The following GPR161 variants were observed in gnomAD, a reference collection of about 807,000 sequenced individuals.
GPR161 encodes the protein G-protein coupled receptor RE2.
Under a neutral mutation model 39.2 loss-of-function variants are expected in GPR161, and 25 were observed. The ratio of observed to expected loss-of-function variants is 0.64; its 90% CI spans 0.47 to 0.89. The LOEUF is 0.89. Among genes scored for constraint, GPR161 ranks in the 40% least tolerant of loss-of-function variants. GPR161 has a pLI of 0.00. For missense variants in GPR161, 547 were observed against 677.8 expected (o/e 0.81, Z 2.14); for synonymous variants, 286 against 276.6 (o/e 1.03, Z -0.34).
intron 1 of GPR161, among the ~76,000 whole-genome samples, chr1:168,108,662 T>G (rs1475862782): frequency 6.6e-6 from 1 of 151,890 alleles, no homozygotes; most frequent in African/African-American, 2.4e-5. Flanking sequence ...AGTTTTGATT[T>G]CTGAACCATG....
chr1:168,132,587 CAAA>C (rs1160404142), intron 1 of GPR161, among the ~76,000 whole-genome samples: 3 of 78,576 alleles, frequency 3.8e-5, no homozygotes. Flanking sequence ...GACTCCGTCT[CAAA>C]AAAAAAAAAA....
At position 168,119,273 on chromosome 1, in the gene GPR161, T is replaced by TATATACATATATATATATGTATAC. The variant is rs1558130209; in HGVS notation, c.-44-14380_-44-14379insGTATACATATATATATATGTATAT. Among the ~76,000 whole-genome samples the TATATACATATATATATATGTATAC allele has an allele frequency of 1.3e-4, 15 of 115,226 alleles. 2 individuals are homozygous for TATATACATATATATATATGTATAC. The highest frequency in any genetic ancestry group is 5.5e-4 in the African/African-American group (15 of 27,170). 75.6% of individuals were successfully genotyped at this position (115,226 alleles called of 152,430 possible). ...ATATATATACGTATATATATGTGTA[T>TATATACATATATATATATGTATAC]ATATATATATATATACACATATATA... On this transcript the variant is annotated intron_variant, in intron 1 of 5. Transcript: ENST00000682931.
chr1:168,110,954 A>G (rs1342586485), intron 1 of GPR161, among the ~76,000 whole-genome samples: 1 of 152,120 alleles, frequency 6.6e-6, no homozygotes, highest in Non-Finnish European at 1.5e-5. Context: ...AGAACTAGAA[A>G]CCACAATGAA....
At chr1:168,116,512 C>T (rs1697644651) in intron 1 of GPR161, among the ~76,000 whole-genome samples, 1 of 152,126 alleles carries the variant, frequency 6.6e-6, no homozygotes, top group South Asian at 2.1e-4. Context: ...ATCTAATAAC[C>T]ACCCTGTAAC....
Position 168,085,811 on chromosome 1 carries a change from A to AG in GPR161, c.1325-16dup. The stretch of plus-strand genomic sequence containing the variant: ...CTTGGCAGCTTCTGAGGGAGAAGGC[A>AG]GAAAAAAAAGTCAGCTGAGGAGCCA... On this transcript the variant is annotated splice_polypyrimidine_tract_variant and intron_variant, in intron 5 of 5. Transcript: ENST00000682931. 3 of 1,602,508 alleles carry AG rather than the reference A, an allele frequency of 1.9e-6. No individual in the cohort carries two copies. Among genetic ancestry groups the AG allele is most frequent in the Non-Finnish European group, 2.6e-6 (3 of 1,171,602 alleles).
chr1:168,131,306 C>A (rs1698974193), intron 1 of GPR161, among the ~76,000 whole-genome samples: 1 of 151,958 alleles, frequency 6.6e-6, no homozygotes, highest in Non-Finnish European at 1.5e-5. Context: ...CTATTCCCTG[C>A]CACCTGCAGA....
intron 1 of GPR161, among the ~76,000 whole-genome samples, chr1:168,118,375 A>G (rs1284653410): frequency 1.3e-5 from 2 of 152,124 alleles, no homozygotes; most frequent in African/African-American, 2.4e-5. Context: ...CAAACACCAC[A>G]TAAGTGGGCA....
Position 168,090,685 on chromosome 1 carries a change from G to A in GPR161, c.1100-17C>T. ...GGCCCAGGTCTGAAAGACAAAATTG[G>A]CATTGACAACACAATCACACTCTGC... On this transcript the variant is annotated splice_polypyrimidine_tract_variant and intron_variant, in intron 3 of 5. Coordinates refer to ENST00000682931, the MANE Select transcript of GPR161 (RefSeq NM_001375883.1). The A allele has an allele frequency of 6.7e-7, 1 of 1,486,448 alleles. No individual in the cohort carries two copies. Among genetic ancestry groups the A allele is most frequent in the Non-Finnish European group, 9.3e-7 (1 of 1,070,046 alleles). 92.1% of individuals were successfully genotyped at this position (1,486,448 alleles called of 1,614,324 possible). A position where few individuals can be genotyped will look rare whatever the true frequency, so the allele number is the denominator to read the frequency against.
At chr1:168,108,398 C>T (rs11582396) in intron 1 of GPR161, among the ~76,000 whole-genome samples, 50,267 of 148,192 alleles carry the variant, frequency 0.34, 8,729 homozygotes, top group Admixed American at 0.47. Context: ...CCAGCAACTC[C>T]ATATCTAAGC....
At position 168,082,421 on chromosome 1, in the gene GPR161, C is replaced by T. The variant is rs1016753583; in HGVS notation, c.*3110G>A. The stretch of plus-strand genomic sequence containing the variant: ...AGGTTCATCCTTGGCTCTGCACAGC[C>T]ACACCGCTGCCACCTAGTGTCTAAG... On this transcript the variant is annotated 3_prime_UTR_variant, in exon 6 of 6. Coordinates refer to ENST00000682931, the MANE Select transcript of GPR161 (RefSeq NM_001375883.1). 1 of 152,262 alleles carries T rather than the reference C, an allele frequency of 6.6e-6. No homozygotes were observed. The highest frequency in any genetic ancestry group is 2.4e-5 in the African/African-American group (1 of 41,444). 9.4% of individuals were successfully genotyped at this position (152,262 alleles called of 1,614,324 possible).
At chr1:168,089,320 G>A (rs768123365) in intron 4 of GPR161, 2 of 152,220 alleles carry the variant, frequency 1.3e-5, no homozygotes, top group African/African-American at 2.4e-5. Flanking sequence ...CAGGCCTAGA[G>A]GGCACAGTGT....
intron 1 of GPR161, chr1:168,114,659 T>C (rs538292504): frequency 2.6e-5 from 4 of 152,336 alleles, no homozygotes; most frequent in African/African-American, 9.6e-5. Context: ...GGTTGCCTTC[T>C]GTGTCCTTGT....
intron 1 of GPR161, among the ~76,000 whole-genome samples, chr1:168,124,953 T>C (rs1242161186): frequency 2.6e-5 from 4 of 152,346 alleles, no homozygotes; most frequent in Non-Finnish European, 4.4e-5. Context: ...TGCAGAACCA[T>C]TAGCCAAATA....
chr1:168,130,211 G>T (rs1698883841), intron 1 of GPR161, among the ~76,000 whole-genome samples: 1 of 152,166 alleles, frequency 6.6e-6, no homozygotes, highest in Non-Finnish European at 1.5e-5. Flanking sequence ...TCTTACCCTT[G>T]TCCAGCAGTT....
Position 168,085,173 on chromosome 1 carries a change from T to C in GPR161, c.*358A>G. ...GCACACTGTGAAGAGGAGGAAATGA[T>C]GCATGTGGGGGTCTCCTTCCAAGCC... On this transcript the variant is annotated 3_prime_UTR_variant, in exon 6 of 6. Transcript: ENST00000682931. 2.2e-6 allele frequency: 1 copy of C among 447,524 alleles called. No homozygotes were observed. The highest frequency in any genetic ancestry group is 4.4e-6 in the Non-Finnish European group (1 of 228,398). 27.7% of individuals were successfully genotyped at this position (447,524 alleles called of 1,614,324 possible).
intron 1 of GPR161, among the ~76,000 whole-genome samples, chr1:168,112,269 A>AG (rs1425483143): frequency 6.6e-6 from 1 of 151,926 alleles, no homozygotes; most frequent in African/African-American, 2.4e-5. Context: ...TCATGAAGTG[A>AG]GGAGATTGAG....
In GPR161 at chr1:168,121,369, G is replaced by GTGAA. The variant is rs201379510; in HGVS notation, c.-45+15366_-45+15369dup. ...TTTTTGTTGCGGCATGTAGGAAAAT[G>GTGAA]TGAAGCACATAATCCTAAGCAAAGC... On this transcript the variant is annotated intron_variant, in intron 1 of 5. Transcript: ENST00000682931. Among the ~76,000 whole-genome samples, 1,400 of 152,302 alleles carry GTGAA rather than the reference G, an allele frequency of 9.2e-3. 18 individuals are homozygous for GTGAA. Among genetic ancestry groups the GTGAA allele is most frequent in the African/African-American group, 0.032 (1,333 of 41,566 alleles).
In GPR161 at chr1:168,104,840, T is replaced by G. The variant is rs758598063; in HGVS notation, c.11A>C (p.Asn4Thr). 1 of 1,613,216 alleles carries G rather than the reference T, an allele frequency of 6.2e-7. No individual in the cohort carries two copies. The highest frequency in any genetic ancestry group is 8.5e-7 in the Non-Finnish European group (1 of 1,179,762). The change falls in exon 2 of 6, where the codon AAC (asparagine) becomes ACC (threonine). Residue 4 changes from asparagine to threonine, a missense_variant. Transcript: ENST00000682931. MSL[N>T]SSLSCRKELS... Reference sequence around the variant, plus strand: ...CTCCTTCCTGCAGCTGAGGGAGGAGTTGAGGCTCATGGTCAGTGCACCTCG... The same window carrying G: ...CTCCTTCCTGCAGCTGAGGGAGGAGGTGAGGCTCATGGTCAGTGCACCTCG...
chr1:168,134,560 C>T (rs897302491), intron 1 of GPR161, among the ~76,000 whole-genome samples: 6 of 152,170 alleles, frequency 3.9e-5, no homozygotes, highest in Non-Finnish European at 8.8e-5. Flanking sequence ...TGCTTTACTG[C>T]ATCTCAGAAT....
Sources: gnomAD v4.1 joint callset for allele counts (sites outside exome capture counted in the v4.1 genomes callset) on GRCh38, gnomAD v4.1.1 for gene constraint, MANE v1.5 for transcripts, NCBI Gene and HGNC (gene_info 2026-07-23, HGNC 2026-07-21) for gene names.